PDZD2: variants seen among roughly 807,000 people sequenced by gnomAD.
The protein encoded by PDZD2 is PDZ domain containing 2.
In PDZD2, 90 loss-of-function variants were observed where a neutral mutation model predicts 220.7. The ratio of observed to expected loss-of-function variants is 0.41; its 90% confidence interval spans 0.34 to 0.49. PDZD2 has a LOEUF of 0.49. Ranked by LOEUF, PDZD2 falls within the 20% of genes least tolerant of loss-of-function variation. The pLI is 0.28. For synonymous variants in PDZD2, 1,375 were observed against 1,450.5 expected (o/e 0.95, Z 1.18); for missense variants, 3,174 against 3,608.5 (o/e 0.88, Z 3.08).
chr5:31,923,113 T>G (rs1402134425), intron 2 of PDZD2, among the ~76,000 whole-genome samples: 4 of 151,684 alleles, frequency 2.6e-5, no homozygotes, highest in Non-Finnish European at 1.5e-5. Context: ...GCCAACATGG[T>G]GAAACCCCCG....
intron 8 of PDZD2, among the ~76,000 whole-genome samples, chr5:32,052,025 A>G (rs1399543671): frequency 2.0e-5 from 3 of 152,222 alleles, no homozygotes; most frequent in Non-Finnish European, 4.4e-5. Context: ...TCCTGACTCC[A>G]TTCCAGATGT....
Position 32,089,997 on chromosome 5 carries a change from C to T in PDZD2, c.6549C>T (p.Tyr2183=). The T allele has an allele frequency of 6.2e-7, 1 of 1,604,014 alleles. No individual in the cohort carries two copies. Among genetic ancestry groups the T allele is most frequent in the Non-Finnish European group, 8.5e-7 (1 of 1,175,178 alleles). Residue 2183 remains tyrosine, a synonymous_variant, in exon 20 of 25, where the codon TAC becomes TAT. Transcript: ENST00000438447. ...AAACAGCCATTAGAAAGGCAGAATA[C>T]TCCCAGGGAAAATCAAGCCTGATGT... The part of the protein sequence containing the change: ...SLQTAIRKAE[Y]SQGKSSLMSD...
intron 1 of PDZD2, among the ~76,000 whole-genome samples, chr5:31,649,009 A>G (rs1286245715): frequency 6.6e-6 from 1 of 151,814 alleles, no homozygotes; most frequent in Non-Finnish European, 1.5e-5. Flanking sequence ...TCTGACTCCT[A>G]TTCATCCCTC....
At chr5:31,741,192 TACACACACAC>T (rs3032908) in intron 1 of PDZD2, among the ~76,000 whole-genome samples, 80 of 150,510 alleles carry the variant, frequency 5.3e-4, no homozygotes, top group South Asian at 4.6e-3. Flanking sequence ...CAATAGTGTG[TACACACACAC>T]ACACACACAC....
Position 31,689,353 on chromosome 5 carries a change from A to ATTTTTTTTTTTTT in PDZD2, c.-361+49924_-361+49936dup, listed in dbSNP as rs1160111594. On this transcript the variant is annotated intron_variant, in intron 1 of 24. Coordinates refer to ENST00000438447, the MANE Select transcript of PDZD2 (RefSeq NM_178140.4). ...TACATATACATATATATATATATAT[A>ATTTTTTTTTTTTT]TTTTTTTTTTTTTTTTTTTTAAGTC... Among the ~76,000 whole-genome samples, 15 of 35,122 alleles carry ATTTTTTTTTTTTT rather than the reference A, an allele frequency of 4.3e-4. 2 individuals are homozygous for ATTTTTTTTTTTTT. Among genetic ancestry groups the ATTTTTTTTTTTTT allele is most frequent in the East Asian group, 3.7e-3 (2 of 542 alleles). The allele number at this position is 35,122 out of a possible 152,430, so 23.0% of individuals were successfully genotyped here. A position where few individuals can be genotyped will look rare whatever the true frequency, so the allele number is the denominator to read the frequency against.
chr5:31,898,256 G>A (rs1741752683), intron 2 of PDZD2, among the ~76,000 whole-genome samples: 1 of 152,178 alleles, frequency 6.6e-6, no homozygotes, highest in African/African-American at 2.4e-5. Context: ...CACTTTATCA[G>A]GTAACTGCAC....
intron 2 of PDZD2, among the ~76,000 whole-genome samples, chr5:31,849,350 A>G (rs977376963): frequency 6.6e-6 from 1 of 152,092 alleles, no homozygotes; most frequent in African/African-American, 2.4e-5. Context: ...TTAGAATAAG[A>G]CTAATAATTA....
intron 2 of PDZD2, among the ~76,000 whole-genome samples, chr5:31,949,049 G>A (rs1196133550): frequency 7.3e-6 from 1 of 136,942 alleles, no homozygotes; most frequent in Non-Finnish European, 1.5e-5. Flanking sequence ...ACTGAGCTGA[G>A]ATGGAGCCAC....
At chr5:32,016,166 C>G (rs1167832575) in intron 6 of PDZD2, among the ~76,000 whole-genome samples, 1 of 152,134 alleles carries the variant, frequency 6.6e-6, no homozygotes, top group African/African-American at 2.4e-5. Flanking sequence ...GTATGGGAGC[C>G]TGAAAGCCAG....
At chr5:31,833,223 C>A (rs1427251155) in intron 2 of PDZD2, among the ~76,000 whole-genome samples, 1 of 152,026 alleles carries the variant, frequency 6.6e-6, no homozygotes, top group African/African-American at 2.4e-5. Context: ...AATCCCGGTG[C>A]TTTGGGAGGC....
intron 1 of PDZD2, among the ~76,000 whole-genome samples, chr5:31,708,150 G>A (rs1561396235): frequency 6.6e-6 from 1 of 152,138 alleles, no homozygotes; most frequent in Admixed American, 6.5e-5. Context: ...TTGGTCTGGC[G>A]TTTTCACTGT....
At chr5:31,735,024 G>A (rs1472122674) in intron 1 of PDZD2, among the ~76,000 whole-genome samples, 1 of 152,040 alleles carries the variant, frequency 6.6e-6, no homozygotes, top group Non-Finnish European at 1.5e-5. Flanking sequence ...TGGCTTCAAG[G>A]TTCTGACTAC....
intron 1 of PDZD2, among the ~76,000 whole-genome samples, chr5:31,793,762 G>A (rs574408312): frequency 3.3e-5 from 5 of 152,304 alleles, no homozygotes; most frequent in South Asian, 2.1e-4. Flanking sequence ...AGCCCAGATC[G>A]CGCCATTGCA....
chr5:31,661,486 A>C (rs1371784878), intron 1 of PDZD2: 1 of 152,196 alleles, frequency 6.6e-6, no homozygotes, highest in Non-Finnish European at 1.5e-5. Flanking sequence ...CCGAGCCAAG[A>C]ATCTGAAACC....
Position 32,073,932 on chromosome 5 carries a change from A to G in PDZD2, c.2826A>G (p.Gln942=). The change falls in exon 18 of 25, where the codon CAA becomes CAG. Residue 942 remains glutamine, a synonymous_variant. Transcript: ENST00000438447. ...LFHKQVTVAR[Q]ASLPGSPQAL... ...ACAAGCAGGTGACAGTTGCCAGACA[A>G]GCCAGTCTCCCCGGAAGCCCACAGG... The G allele has an allele frequency of 6.2e-7, 1 of 1,614,154 alleles. No individual in the cohort carries two copies. Among genetic ancestry groups the G allele is most frequent in the Non-Finnish European group, 8.5e-7 (1 of 1,179,998 alleles).
chr5:31,708,040 C>T (rs1036550126), intron 1 of PDZD2, among the ~76,000 whole-genome samples: 11 of 152,284 alleles, frequency 7.2e-5, no homozygotes, highest in South Asian at 2.1e-4. Context: ...CAGCAGCTCC[C>T]GGGCCCTCAT....
chr5:31,926,765 C>T (rs929792467), intron 2 of PDZD2, among the ~76,000 whole-genome samples: 21 of 152,128 alleles, frequency 1.4e-4, no homozygotes, highest in African/African-American at 5.1e-4. Flanking sequence ...GACACATGCA[C>T]TTGTATGTTC....
rs545051987 is a variant in PDZD2, at chr5:32,058,858, A to G, written c.2201-381A>G. ...CCTCCCCACCTACTCTAGAAACATG[A>G]TGGAAGATTAAACAACCAAGAGATT... On this transcript the variant is annotated intron_variant, in intron 12 of 24. Transcript: ENST00000438447. Among the ~76,000 whole-genome samples, 4 of 152,316 alleles carry G rather than the reference A, an allele frequency of 2.6e-5. No individual in the cohort carries two copies. The South Asian group carries it at 6.2e-4, about 24-fold the overall frequency.
At chr5:31,900,452 TC>T (rs1741976311) in intron 2 of PDZD2, among the ~76,000 whole-genome samples, 1 of 152,152 alleles carries the variant, frequency 6.6e-6, no homozygotes, top group African/African-American at 2.4e-5. Context: ...GGGAGGGACT[TC>T]GGGCCTGGAA....
Sources: allele counts gnomAD v4.1 joint callset (sites outside exome capture counted in the v4.1 genomes callset), GRCh38; gene constraint gnomAD v4.1.1; transcripts MANE v1.5; gene names NCBI Gene and HGNC (gene_info 2026-07-23, HGNC 2026-07-21).